SLITRK5: variants seen among roughly 807,000 people sequenced by gnomAD.
The protein encoded by SLITRK5 is SLIT and NTRK-like protein 5.
A neutral mutation model predicts 56.2 loss-of-function variants in SLITRK5; 23 were observed. The observed-to-expected ratio is 0.41, with a 90% CI of 0.29 to 0.58. SLITRK5 has a LOEUF of 0.58. SLITRK5 is among the 20% of genes least tolerant of loss of function. The pLI, the probability that SLITRK5 is intolerant of heterozygous loss-of-function variation, is 0.30. For missense variants in SLITRK5, 1,289 were observed against 1,226.6 expected, an observed-to-expected ratio of 1.05 and a Z score of -0.76; for synonymous variants, 637 against 531.8, an observed-to-expected ratio of 1.20 and a Z score of -2.72.
In SLITRK5 at chr13:87,675,327, C is replaced by T. The variant is rs555791911; in HGVS notation, c.-8-54C>T. 5.6e-5 allele frequency: 72 copies of T among 1,275,810 alleles called. No individual in the cohort carries two copies. In the Admixed American group the frequency reaches 6.2e-4, roughly 11 times the overall value. 79.0% of individuals were successfully genotyped at this position (1,275,810 alleles called of 1,614,324 possible). ...GAAAGAGAGAGACTTTCTGACTGATCCCTTAAATTTTTGTCATATTCTGTT... is the reference window on the plus strand; with the variant it reads ...GAAAGAGAGAGACTTTCTGACTGATTCCTTAAATTTTTGTCATATTCTGTT... On this transcript the variant is annotated intron_variant, in intron 1 of 1. Coordinates refer to ENST00000683689, the MANE Select transcript of SLITRK5 (RefSeq NM_001384609.1).
intron 1 of SLITRK5, among the ~76,000 whole-genome samples, chr13:87,674,050 C>T (rs1038641611): frequency 6.7e-6 from 1 of 150,280 alleles, no homozygotes; most frequent in Non-Finnish European, 1.5e-5. Context: ...ACGCTCATTC[C>T]ATTTATGTCC....
In SLITRK5 at chr13:87,675,837, T is replaced by C. The variant is rs1877250642; in HGVS notation, c.449T>C (p.Leu150Pro). The C allele has an allele frequency of 1.2e-6, 2 of 1,614,178 alleles. No homozygotes were observed. Among genetic ancestry groups the C allele is most frequent in the Non-Finnish European group, 1.7e-6 (2 of 1,180,030 alleles). ...GAACTTCTGCGAGATGATACCTTCC[T>C]TGGCTTGGAGAACCTGGAGTACCTA... ...KLELLRDDTFLGLENLEYLQV... is the reference protein window; with the variant it reads ...KLELLRDDTFPGLENLEYLQV... The change falls in exon 2 of 2, where the codon CTT becomes CCT. Residue 150 changes from leucine to proline, a missense_variant. Leu to Pro is a moderately conservative substitution (Grantham distance 98, BLOSUM62 -3). Around this residue, in one of 3 missense-constraint regions of SLITRK5, gnomAD observed 291 missense variants for 286.7 expected, o/e 1.02. Transcript: ENST00000683689.
At position 87,676,834 on chromosome 13, in the gene SLITRK5, C is replaced by G; in HGVS notation, c.1446C>G (p.Ser482Arg). ...CGGAGTTATTCTATGGCCTGCAGAG[C>G]CTGCAGTATCTCTTCCTCCAGTACA... ...LSPELFYGLQSLQYLFLQYNL... is the reference protein window; with the variant it reads ...LSPELFYGLQRLQYLFLQYNL... Residue 482 changes from serine (S) to arginine (R), a missense_variant, in exon 2 of 2, where the codon AGC becomes AGG. Ser to Arg is a moderately radical substitution (Grantham distance 110). This residue lies in a region of SLITRK5 where 985 missense variants were observed against 906.0 expected (regional missense o/e 1.09). Transcript: ENST00000683689. 1 of 1,614,056 alleles carries G rather than the reference C, an allele frequency of 6.2e-7. No individual in the cohort carries two copies. Among genetic ancestry groups the G allele is most frequent in the Non-Finnish European group, 8.5e-7 (1 of 1,180,012 alleles).
chr13:87,676,743 C>T lies in SLITRK5; in HGVS notation c.1355C>T (p.Ala452Val), dbSNP rs773828547. 1.9e-6 allele frequency: 3 copies of T among 1,614,004 alleles called. No homozygotes were observed. The highest frequency in any genetic ancestry group is 1.6e-4 in the Middle Eastern group (1 of 6,084). ...CGCATCTCGATGATCCAGGACCGCG[C>T]TTTCGGGGATCTCACCAACCTGAGG... ...NNRISMIQDR[A>V]FGDLTNLRRL... The change falls in exon 2 of 2, where the codon GCT becomes GTT. Residue 452 changes from alanine (A) to valine (V), a missense_variant. This residue lies in a region of SLITRK5 where 985 missense variants were observed against 906.0 expected (regional missense o/e 1.09). Coordinates refer to ENST00000683689, the MANE Select transcript of SLITRK5 (RefSeq NM_001384609.1).
Position 87,677,279 on chromosome 13 carries a change from C to T in SLITRK5, c.1891C>T (p.Pro631Ser), listed in dbSNP as rs754350484. 5 of 1,614,070 alleles carry T rather than the reference C, an allele frequency of 3.1e-6. No homozygotes were observed. In the Admixed American group the frequency reaches 5.0e-5, roughly 16 times the overall value. The change falls in exon 2 of 2, where the codon CCT becomes TCT. Residue 631 changes from proline (P) to serine (S), a missense_variant. Coordinates refer to ENST00000683689, the MANE Select transcript of SLITRK5 (RefSeq NM_001384609.1). The surrounding 1 kb of genome is among the most constrained non-coding windows in gnomAD (Gnocchi z 4.7). ...STPTPSSIQV[P>S]ARTSAVTPAV... ...GCCCACACCCTCCTCTATCCAGGTC[C>T]CTGCGAGGACCAGCGCCGTGACTCC...
chr13:87,674,498 G>A, intron 1 of SLITRK5: 1 of 602,774 alleles, frequency 1.7e-6, no homozygotes, highest in Non-Finnish European at 2.1e-6. Flanking sequence ...GGAGGTATTC[G>A]GAGATTGCGG....
chr13:87,677,756 C>A lies in SLITRK5; in HGVS notation c.2368C>A (p.His790Asn), dbSNP rs766013136. The part of the protein sequence containing the change: ...HELKVTYSSN[H>N]HLQQQQQPPP... ...GCTCAAGGTCACCTACAGCAGCAAC[C>A]ACCACCTGCAGCAGCAGCAGCAGCC... is the stretch of plus-strand genomic sequence containing the variant. The change falls in exon 2 of 2, where the codon CAC becomes AAC. Residue 790 changes from histidine (H) to asparagine (N), a missense_variant. By Grantham distance (68) the His-to-Asn change is moderately conservative (BLOSUM62 1). Coordinates refer to ENST00000683689, the MANE Select transcript of SLITRK5 (RefSeq NM_001384609.1). This position sits in a 1 kb window ranked among gnomAD's most constrained non-coding sequence, Gnocchi z 4.7. 6.2e-7 allele frequency: 1 copy of A among 1,612,748 alleles called. No homozygotes were observed. Among genetic ancestry groups the A allele is most frequent in the Non-Finnish European group, 8.5e-7 (1 of 1,179,402 alleles).
rs778404724 is a variant in SLITRK5, at chr13:87,677,803, ACAGCAGCAGCCCCCGCCGCAGCTG to A, written c.2420_2443del (p.Gln807_Gln814del). ...AGCCGCCGCCGCCACCGCAGCAGCC[ACAGCAGCAGCCCCCGCCGCAGCTG>A]CAGCTGCAGCCCGGGGAGGAGGAGA... On this transcript the variant is annotated inframe_deletion, in exon 2 of 2. Coordinates refer to ENST00000683689, the MANE Select transcript of SLITRK5 (RefSeq NM_001384609.1). The surrounding 1 kb of genome is among the most constrained non-coding windows in gnomAD (Gnocchi z 4.7). 45 of 1,609,264 alleles carry A rather than the reference ACAGCAGCAGCCCCCGCCGCAGCTG, an allele frequency of 2.8e-5. No homozygotes were observed. The highest frequency in any genetic ancestry group is 3.7e-5 in the Non-Finnish European group (43 of 1,177,938).
chr13:87,677,869 C>G lies in SLITRK5; in HGVS notation c.2481C>G (p.His827Gln). Reference protein sequence around the residue: ...PGEEERRESHHLRSPAYSVST... With the variant: ...PGEEERRESHQLRSPAYSVST... ...AGGAGGAGAGGCGGGAAAGCCACCA[C>G]TTGCGGAGCCCCGCCTACAGCGTCA... Residue 827 changes from histidine to glutamine, a missense_variant, in exon 2 of 2, where the codon CAC becomes CAG. Physicochemically the swap from His to Gln is conservative, Grantham distance 24. Transcript: ENST00000683689. This position sits in a 1 kb window ranked among gnomAD's most constrained non-coding sequence, Gnocchi z 4.7. The G allele has an allele frequency of 1.2e-6, 2 of 1,608,594 alleles. No individual in the cohort carries two copies. The highest frequency in any genetic ancestry group is 1.7e-6 in the Non-Finnish European group (2 of 1,177,852).
chr13:87,676,006 C>T lies in SLITRK5; in HGVS notation c.618C>T (p.Asp206=). 6.2e-7 allele frequency: 1 copy of T among 1,614,156 alleles called. No individual in the cohort carries two copies. Among genetic ancestry groups the T allele is most frequent in the South Asian group, 1.1e-5 (1 of 91,082 alleles). ...GTTTTGTGCCCTTAACGCACTTGGA[C>T]CTCCGGGGGAACCGGCTGAAACTTC... The part of the protein sequence containing the change: ...LFRFVPLTHL[D]LRGNRLKLLP... Residue 206 remains aspartate (D), a synonymous_variant, in exon 2 of 2, where the codon GAC becomes GAT. Coordinates refer to ENST00000683689, the MANE Select transcript of SLITRK5 (RefSeq NM_001384609.1).
intron 1 of SLITRK5, among the ~76,000 whole-genome samples, chr13:87,674,177 T>C (rs1012663370): frequency 6.6e-6 from 1 of 152,046 alleles, no homozygotes; most frequent in African/African-American, 2.4e-5. Flanking sequence ...CTGTGGGAGA[T>C]GAAATTCGGA....
At position 87,672,104 on chromosome 13, in the gene SLITRK5, G is replaced by A. The variant is rs1055595656; in HGVS notation, c.-114G>A. Among the ~76,000 whole-genome samples the A allele has an allele frequency of 6.6e-6, 1 of 152,022 alleles. No homozygotes were observed. Among genetic ancestry groups the A allele is most frequent in the Admixed American group, 6.5e-5 (1 of 15,286 alleles). On this transcript the variant is annotated 5_prime_UTR_variant, in exon 1 of 2. Transcript: ENST00000683689. ...AGAGCCGAGGGGGGAGGGGAGGGCC[G>A]GCCGGCGCGAACCCAGGCCGGAGGG...
In SLITRK5 at chr13:87,677,724, T is replaced by C. The variant is rs1877352634; in HGVS notation, c.2336T>C (p.Leu779Pro). ...EGNSVEDYKD[L>P]HELKVTYSSN... ...AACTCCGTAGAGGATTACAAAGACC[T>C]GCACGAGCTCAAGGTCACCTACAGC... The change falls in exon 2 of 2, where the codon CTG (leucine) becomes CCG (proline). Residue 779 changes from leucine (L) to proline (P), a missense_variant. Leu to Pro is a moderately conservative substitution (Grantham distance 98). Around this residue, in one of 3 missense-constraint regions of SLITRK5, gnomAD observed 985 missense variants for 906.0 expected, o/e 1.09. Coordinates refer to ENST00000683689, the MANE Select transcript of SLITRK5 (RefSeq NM_001384609.1). This position sits in a 1 kb window ranked among gnomAD's most constrained non-coding sequence, Gnocchi z 4.7. The C allele has an allele frequency of 3.7e-6, 6 of 1,612,492 alleles. No homozygotes were observed. The highest frequency in any genetic ancestry group is 5.1e-6 in the Non-Finnish European group (6 of 1,179,228).
chr13:87,675,372 C>G lies in SLITRK5; in HGVS notation c.-8-9C>G. 4 of 1,603,782 alleles carry G rather than the reference C, an allele frequency of 2.5e-6. No individual in the cohort carries two copies. The highest frequency in any genetic ancestry group is 3.4e-6 in the Non-Finnish European group (4 of 1,171,090). On this transcript the variant is annotated splice_polypyrimidine_tract_variant and intron_variant, in intron 1 of 1. Coordinates refer to ENST00000683689, the MANE Select transcript of SLITRK5 (RefSeq NM_001384609.1). ...TCTGTTATTTCCTTGTTTTCTCTCT[C>G]CCTTACAGGAGGTAAAATGCACACT...
rs1276246367 is a variant in SLITRK5 at position 87,679,570 on chromosome 13, T to C, written c.*1305T>C. 2 of 166,708 alleles carry C rather than the reference T, an allele frequency of 1.2e-5. No homozygotes were observed. Among genetic ancestry groups the C allele is most frequent in the Admixed American group, 1.3e-4 (2 of 15,212 alleles). The allele number at this position is 166,708 out of a possible 1,614,324, so 10.3% of individuals were successfully genotyped here. On this transcript the variant is annotated 3_prime_UTR_variant, in exon 2 of 2. Transcript: ENST00000683689. ...AGTCTCATATGTATCCCAGCACATG[T>C]AATTTTTTAAATAGTTTCTGAATAA...
chr13:87,676,444 C>A lies in SLITRK5; in HGVS notation c.1056C>A (p.Asp352Glu). ...CCACCTCTCGGCAGCCCTCTAAGGACTTGGGCTACAGCAACTATGGCCCCA... is the reference window on the plus strand; with the variant it reads ...CCACCTCTCGGCAGCCCTCTAAGGAATTGGGCTACAGCAACTATGGCCCCA... ...VRPTSRQPSK[D>E]LGYSNYGPSI... Residue 352 changes from aspartate (D) to glutamate (E), a missense_variant, in exon 2 of 2, where the codon GAC (aspartate) becomes GAA (glutamate). Physicochemically the swap from Asp to Glu is conservative, Grantham distance 45. Coordinates refer to ENST00000683689, the MANE Select transcript of SLITRK5 (RefSeq NM_001384609.1). 6.2e-7 allele frequency: 1 copy of A among 1,614,118 alleles called. No homozygotes were observed. The highest frequency in any genetic ancestry group is 1.1e-5 in the South Asian group (1 of 91,076).
rs1877434658 is a variant in SLITRK5 at position 87,679,198 on chromosome 13, T to G, written c.*933T>G. ...CCCACCCAATTGAATCTGCATTTTC[T>G]TTTAAGAAAACAGAGCTGATTGTAT... is the stretch of plus-strand genomic sequence containing the variant. On this transcript the variant is annotated 3_prime_UTR_variant, in exon 2 of 2. Transcript: ENST00000683689. 1 of 167,050 alleles carries G rather than the reference T, an allele frequency of 6.0e-6. No homozygotes were observed. The highest frequency in any genetic ancestry group is 2.4e-5 in the African/African-American group (1 of 41,452). The allele number at this position is 167,050 out of a possible 1,614,324, so 10.3% of individuals were successfully genotyped here.
rs146939011 is a variant in SLITRK5, at chr13:87,676,602, A to G, written c.1214A>G (p.Gln405Arg). ...ERKIESIAEL[Q>R]PKPYNPKKMY... ...AAGATCGAGAGCATCGCTGAACTGC[A>G]GCCCAAGCCCTACAATCCCAAGAAA... Residue 405 changes from glutamine to arginine, a missense_variant, in exon 2 of 2, where the codon CAG becomes CGG. Gln to Arg is a conservative substitution (Grantham distance 43, BLOSUM62 1). Coordinates refer to ENST00000683689, the MANE Select transcript of SLITRK5 (RefSeq NM_001384609.1). 3.7e-4 allele frequency: 604 copies of G among 1,614,114 alleles called. No homozygotes were observed. Among genetic ancestry groups the G allele is most frequent in the Non-Finnish European group, 4.9e-4 (573 of 1,180,020 alleles).
chr13:87,675,746 A>T lies in SLITRK5; in HGVS notation c.358A>T (p.Ile120Phe). Residue 120 changes from isoleucine (I) to phenylalanine (F), a missense_variant, in exon 2 of 2, where the codon ATT becomes TTT. This residue lies in a region of SLITRK5 where 291 missense variants were observed against 286.7 expected (regional missense o/e 1.02). Coordinates refer to ENST00000683689, the MANE Select transcript of SLITRK5 (RefSeq NM_001384609.1). ...LHLGSNVIQD[I>F]ETGAFHGLRG... is the part of the protein sequence containing the mutation. ...TCTAGGTAGCAATGTTATCCAGGAC[A>T]TTGAGACCGGGGCTTTCCATGGGCT... 1 of 1,614,158 alleles carries T rather than the reference A, an allele frequency of 6.2e-7. No homozygotes were observed. Among genetic ancestry groups the T allele is most frequent in the Non-Finnish European group, 8.5e-7 (1 of 1,180,026 alleles).
Sources: gnomAD v4.1 joint callset for allele counts (sites outside exome capture counted in the v4.1 genomes callset) on GRCh38, gnomAD v4.1.1 for gene constraint, gnomAD v4.1.1 regional missense constraint, Gnocchi (gnomAD v3.1) non-coding constraint, MANE v1.5 for transcripts, NCBI Gene and HGNC (gene_info 2026-07-23, HGNC 2026-07-21) for gene names.